The following RLN2 variants were observed in gnomAD, a reference collection of about 807,000 sequenced individuals.
RLN2 encodes relaxin 2.
RLN2 carries 10 observed loss-of-function variants against 7.3 expected under a neutral mutation model. That is an observed-to-expected ratio of 1.36 (90% confidence interval 0.84 to 2.31). RLN2 has a LOEUF of 2.31. Ranked by LOEUF, RLN2 falls within the 30% of genes most tolerant of loss-of-function variation. The pLI is 0.00. For synonymous variants in RLN2, 103 were observed against 82.3 expected (o/e 1.25, Z -1.36); for missense variants, 298 against 217.6 (o/e 1.37, Z -2.32).
chr9:5,301,981 T>C lies in RLN2; in HGVS notation c.212-1537A>G, dbSNP rs373104940. Among the ~76,000 whole-genome samples the C allele has an allele frequency of 1.7e-4, 26 of 152,312 alleles. 2 individuals carry two copies. The East Asian group carries it at 2.9e-3, about 17-fold the overall frequency. On this transcript the variant is annotated intron_variant, in intron 1 of 1. Transcript: ENST00000381627. Reference sequence around the variant, plus strand: ...TTCCCCTCAGTAAGACATCCTAAGTTTAATTCAATTTCATCATAAAAACCT... The same window carrying C: ...TTCCCCTCAGTAAGACATCCTAAGTCTAATTCAATTTCATCATAAAAACCT...
chr9:5,335,618 G>C, the RLN2 span: 2 of 1,517,686 alleles, frequency 1.3e-6, no homozygotes, highest in African/African-American at 1.4e-5. Flanking sequence ...TAAAAAAAAA[G>C]TGTATGTGAA....
At chr9:5,314,675 C>T in the RLN2 span, among the ~76,000 whole-genome samples, 1 of 152,024 alleles carries the variant, frequency 6.6e-6, no homozygotes, top group Non-Finnish European at 1.5e-5. Context: ...TGCTGAGATA[C>T]TCCCATCCCC....
chr9:5,324,853 T>G, the RLN2 span, among the ~76,000 whole-genome samples: 7 of 151,992 alleles, frequency 4.6e-5, no homozygotes, highest in African/African-American at 1.7e-4. Flanking sequence ...TAAACAAAGG[T>G]GAAGACACAA....
chr9:5,323,694 A>T, the RLN2 span, among the ~76,000 whole-genome samples: 1 of 152,016 alleles, frequency 6.6e-6, no homozygotes, highest in Non-Finnish European at 1.5e-5. Flanking sequence ...TTGTAAGTGT[A>T]CTAATGTCTT....
upstream of RLN2, among the ~76,000 whole-genome samples, chr9:5,308,494 G>T (rs1247693616): frequency 1.3e-5 from 2 of 151,932 alleles, no homozygotes; most frequent in Non-Finnish European, 2.9e-5. Flanking sequence ...TGGTTTTACT[G>T]TTATGCTGGG....
At chr9:5,339,260 A>G in the RLN2 span, 43 of 285,812 alleles carry the variant, frequency 1.5e-4, no homozygotes, top group Non-Finnish European at 2.3e-4. Context: ...TGACTGCCTT[A>G]CGGAAAGGGC....
At chr9:5,335,317 G>A in the RLN2 span, 6 of 1,611,512 alleles carry the variant, frequency 3.7e-6, no homozygotes, top group Admixed American at 1.7e-5. Flanking sequence ...ACAGTGCCAC[G>A]TAGGGTCGTC....
chr9:5,326,609 G>C, the RLN2 span, among the ~76,000 whole-genome samples: 3 of 152,152 alleles, frequency 2.0e-5, no homozygotes, highest in East Asian at 1.9e-4. Context: ...TGGGGACAAG[G>C]GGGGAGGGCA....
chr9:5,324,625 T>C, the RLN2 span, among the ~76,000 whole-genome samples: 120 of 152,168 alleles, frequency 7.9e-4, 4 homozygotes, highest in South Asian at 0.016. Flanking sequence ...ACAAAATTTG[T>C]GTTTACTGAA....
chr9:5,311,802 G>T, the RLN2 span: 12 of 674,314 alleles, frequency 1.8e-5, no homozygotes, highest in Non-Finnish European at 2.1e-5. Context: ...TAAAAATGCA[G>T]AATTTTTTTT....
chr9:5,322,288 T>A, the RLN2 span, among the ~76,000 whole-genome samples: 1 of 151,992 alleles, frequency 6.6e-6, no homozygotes, highest in Non-Finnish European at 1.5e-5. Flanking sequence ...CAGCAGGGCT[T>A]TACTGCTCAG....
the RLN2 span, among the ~76,000 whole-genome samples, chr9:5,324,319 G>C: frequency 6.6e-6 from 1 of 151,936 alleles, no homozygotes; most frequent in African/African-American, 2.4e-5. Context: ...CTAATACTCA[G>C]AGGTCTTCAT....
the RLN2 span, among the ~76,000 whole-genome samples, chr9:5,333,875 C>G: frequency 9.1e-3 from 1,389 of 152,140 alleles, 40 homozygotes; most frequent in East Asian, 0.038. Context: ...ATACACAAAT[C>G]AATAAATGTG....
the RLN2 span, among the ~76,000 whole-genome samples, chr9:5,320,640 G>C: frequency 2.6e-5 from 4 of 151,866 alleles, no homozygotes; most frequent in African/African-American, 9.7e-5. Context: ...CAAAGTGCTG[G>C]GATTATAGGC....
the RLN2 span, among the ~76,000 whole-genome samples, chr9:5,333,481 T>C: frequency 3.9e-5 from 6 of 152,006 alleles, no homozygotes; most frequent in East Asian, 9.6e-4. Context: ...AGGAAGAAGC[T>C]GAATCCCTGA....
At chr9:5,332,983 T>C in the RLN2 span, among the ~76,000 whole-genome samples, 1 of 151,960 alleles carries the variant, frequency 6.6e-6, no homozygotes, top group Non-Finnish European at 1.5e-5. Flanking sequence ...ATAAAGGCAA[T>C]GATAATATTC....
At chr9:5,337,470 A>G in the RLN2 span, among the ~76,000 whole-genome samples, 1 of 152,034 alleles carries the variant, frequency 6.6e-6, no homozygotes, top group Non-Finnish European at 1.5e-5. Flanking sequence ...TGTATTTTGG[A>G]TGCAAATCTT....
At chr9:5,332,800 A>G in the RLN2 span, among the ~76,000 whole-genome samples, 1 of 151,806 alleles carries the variant, frequency 6.6e-6, no homozygotes, top group Admixed American at 6.6e-5. Context: ...TATTTTTAGT[A>G]GAAACGGGGT....
the RLN2 span, among the ~76,000 whole-genome samples, chr9:5,328,747 G>A: frequency 1.1e-4 from 14 of 132,584 alleles, no homozygotes; most frequent in Non-Finnish European, 1.9e-4. Context: ...GGAGAGCGGG[G>A]GCCAATATTC....
Sources: gnomAD v4.1 joint callset for allele counts (sites outside exome capture counted in the v4.1 genomes callset) on GRCh38, gnomAD v4.1.1 for gene constraint, MANE v1.5 for transcripts, NCBI Gene and HGNC (gene_info 2026-07-23, HGNC 2026-07-21) for gene names.